The following EPHA10 variants were observed in gnomAD, a reference collection of about 807,000 sequenced individuals.
EPHA10 encodes the protein ephrin type-A receptor 10.
In EPHA10, 120 loss-of-function variants were observed where a neutral mutation model predicts 109.7. The ratio of observed to expected loss-of-function variants is 1.09; its 90% CI spans 0.94 to 1.27. The LOEUF (loss-of-function observed/expected upper bound fraction) is 1.27. Ranked by LOEUF, EPHA10 falls within the 50% of genes most tolerant of loss-of-function variation. EPHA10 has a pLI of 0.00. For missense variants in EPHA10, 1,396 were observed against 1,411.1 expected, an observed-to-expected ratio of 0.99 and a Z score of 0.17; for synonymous variants, 640 against 618.9, an observed-to-expected ratio of 1.03 and a Z score of -0.51.
intron 12 of EPHA10, 105 bp downstream of exon 12, chr1:37,720,678 C>G: frequency 6.5e-7 from 1 of 1,545,538 alleles, no homozygotes; most frequent in Non-Finnish European, 8.9e-7. Context: ...GTCAGCCCGG[C>G]CAGTGGGGAT....
intron 8 of EPHA10, among the ~76,000 whole-genome samples, chr1:37,724,927 A>G (rs1645863040): frequency 6.6e-6 from 1 of 152,184 alleles, no homozygotes; most frequent in Non-Finnish European, 1.5e-5. Flanking sequence ...ACACATGTTC[A>G]CTGTTATGGG....
chr1:37,754,179 C>T lies in EPHA10; in HGVS notation c.1006+36G>A. 7.9e-7 allele frequency: 1 copy of T among 1,266,710 alleles called. No homozygotes were observed. The highest frequency in any genetic ancestry group is 1.0e-6 in the Non-Finnish European group (1 of 998,588). 78.5% of individuals were successfully genotyped at this position (1,266,710 alleles called of 1,614,324 possible). A position where few individuals can be genotyped will look rare whatever the true frequency, so the allele number is the denominator to read the frequency against. On this transcript the variant is annotated intron_variant, in intron 4 of 16. Coordinates refer to ENST00000373048, the MANE Select transcript of EPHA10 (RefSeq NM_001099439.2). The surrounding 1 kb of genome is among the most constrained non-coding windows in gnomAD (Gnocchi z 4.5). ...CTTCCTTCTTGGCCACTCCCACCCC[C>T]CACCCTCCGCAGTGCAGCCTGGAGG...
In EPHA10 at chr1:37,761,677, T is replaced by C. The variant is rs1426891813; in HGVS notation, c.578A>G (p.Gln193Arg). The C allele has an allele frequency of 1.2e-6, 2 of 1,611,108 alleles. No individual in the cohort carries two copies. Among genetic ancestry groups the C allele is most frequent in the Admixed American group, 1.7e-5 (1 of 59,972 alleles). ...LSRRGFHLAF[Q>R]DVGACVALVS... ...AAGCGCCACGCATGCGCCCACGTCCTGAAAGGCCAGGTGGAAACCCCGCCG... is the reference window on the plus strand; with the variant it reads ...AAGCGCCACGCATGCGCCCACGTCCCGAAAGGCCAGGTGGAAACCCCGCCG... The change falls in exon 3 of 17, where the codon CAG (glutamine) becomes CGG (arginine). Residue 193 changes from glutamine to arginine, a missense_variant. Transcript: ENST00000373048.
chr1:37,720,386 G>T lies in EPHA10; in HGVS notation c.2377C>A (p.Pro793Thr). The T allele has an allele frequency of 6.2e-7, 1 of 1,612,594 alleles. No homozygotes were observed. Among genetic ancestry groups the T allele is most frequent in the Non-Finnish European group, 8.5e-7 (1 of 1,179,828 alleles). Residue 793 changes from proline (P) to threonine (T), a missense_variant, in exon 13 of 17, where the codon CCC becomes ACC. Transcript: ENST00000373048. Reference sequence around the variant, plus strand: ...TAGACAGCCTCTGATCGGTCCCGGGGGCCCCGCCCGAAGCCAGAGATCTTG... The same window carrying T: ...TAGACAGCCTCTGATCGGTCCCGGGTGCCCCGCCCGAAGCCAGAGATCTTG... ...VCKISGFGRG[P>T]RDRSEAVYTT...
Position 37,752,968 on chromosome 1 carries a change from G to A in EPHA10, c.1265C>T (p.Thr422Ile), listed in dbSNP as rs1232506188. Residue 422 changes from threonine to isoleucine, a missense_variant, in exon 5 of 17, where the codon ACC (threonine) becomes ATC (isoleucine). Physicochemically the swap from Thr to Ile is moderately conservative, Grantham distance 89. Coordinates refer to ENST00000373048, the MANE Select transcript of EPHA10 (RefSeq NM_001099439.2). ...LLHLRPGARYTVRVAALNGVS... is the reference protein window; with the variant it reads ...LLHLRPGARYIVRVAALNGVS... ...GCCGTTGAGCGCGGCCACGCGCACG[G>A]TGTAGCGCGCGCCGGGCCGCAGGTG... The A allele has an allele frequency of 1.6e-6, 2 of 1,267,258 alleles. No homozygotes were observed. Among genetic ancestry groups the A allele is most frequent in the Non-Finnish European group, 2.0e-6 (2 of 1,009,026 alleles). 78.5% of individuals were successfully genotyped at this position (1,267,258 alleles called of 1,614,324 possible).
At position 37,761,563 on chromosome 1, in the gene EPHA10, G is replaced by T. The variant is rs754507288; in HGVS notation, c.692C>A (p.Ser231Tyr). The T allele has an allele frequency of 3.8e-6, 6 of 1,598,766 alleles. No homozygotes were observed. Among genetic ancestry groups the T allele is most frequent in the Non-Finnish European group, 5.1e-6 (6 of 1,176,862 alleles). Residue 231 changes from serine (S) to tyrosine (Y), a missense_variant, in exon 3 of 17, where the codon TCC becomes TAC. Coordinates refer to ENST00000373048, the MANE Select transcript of EPHA10 (RefSeq NM_001099439.2). The stretch of plus-strand genomic sequence containing the variant: ...CGTTCCGGCCACTTCCACCAGTGTG[G>T]AGAAGGCGCTCTCGGCTGCGGTGGC... ...FPATAAESAF[S>Y]TLVEVAGTCV...
intron 5 of EPHA10, 35 bp downstream of exon 5, chr1:37,752,841 G>A: frequency 4.1e-6 from 5 of 1,231,044 alleles, no homozygotes; most frequent in South Asian, 3.2e-5. Flanking sequence ...CGGCAGGCGC[G>A]GTGGCCTCGG....
chr1:37,754,415 C>A lies in EPHA10; in HGVS notation c.851-45G>T. The A allele has an allele frequency of 7.9e-7, 1 of 1,271,174 alleles. No homozygotes were observed. The highest frequency in any genetic ancestry group is 3.1e-5 in the East Asian group (1 of 31,808). The allele number at this position is 1,271,174 out of a possible 1,614,324, so 78.7% of individuals were successfully genotyped here. A position where few individuals can be genotyped will look rare whatever the true frequency, so the allele number is the denominator to read the frequency against. ...AGAAGAGGGGGCTCCTCCAGTTTCT[C>A]CCCGCTTTCCTGACTGGCCTGGTTA... On this transcript the variant is annotated intron_variant, in intron 3 of 16. Transcript: ENST00000373048. This position sits in a 1 kb window ranked among gnomAD's most constrained non-coding sequence, Gnocchi z 4.5.
Position 37,718,793 on chromosome 1 carries a change from C to T in EPHA10, c.2780G>A (p.Arg927His), listed in dbSNP as rs1047206217. Residue 927 changes from arginine (R) to histidine (H), a missense_variant, in exon 16 of 17, where the codon CGT (arginine) becomes CAT (histidine). Physicochemically the swap from Arg to His is conservative, Grantham distance 29. Coordinates refer to ENST00000373048, the MANE Select transcript of EPHA10 (RefSeq NM_001099439.2). ...CPRPPTPLAD[R>H]AFSTFPSFGS... is the part of the protein sequence containing the mutation. ...AAAGGAGGGGAAGGTGGAGAAGGCA[C>T]GGTCCGCTAGTGGGGTGGGAGGCCT... 8 of 1,612,380 alleles carry T rather than the reference C, an allele frequency of 5.0e-6. No homozygotes were observed. In the East Asian group the frequency reaches 8.9e-5, roughly 18 times the overall value.
downstream of EPHA10, among the ~76,000 whole-genome samples, chr1:37,715,568 C>T (rs537042740): frequency 2.0e-5 from 3 of 152,290 alleles, no homozygotes; most frequent in African/African-American, 7.2e-5. Flanking sequence ...GACCAGATAT[C>T]CACCTGCCTC....
intron 15 of EPHA10, 193 bp from the exon 16 acceptor site, chr1:37,719,009 G>A (rs1219379321): frequency 4.2e-6 from 3 of 715,404 alleles, no homozygotes; most frequent in Admixed American, 2.9e-5. Flanking sequence ...GGCAGGTGGA[G>A]GCAGAGCCAG....
intron 15 of EPHA10, 177 bp from the exon 16 acceptor site, chr1:37,718,993 T>A: frequency 1.2e-6 from 1 of 826,072 alleles, no homozygotes; most frequent in Non-Finnish European, 1.9e-6. Context: ...GGCTTCAGGT[T>A]CTTCAGGCAG....
chr1:37,740,954 C>A (rs998994242), intron 5 of EPHA10, among the ~76,000 whole-genome samples: 1 of 152,050 alleles, frequency 6.6e-6, no homozygotes, highest in Non-Finnish European at 1.5e-5. Context: ...AAGAAACAGG[C>A]AAAGGAAGAG....
intron 6 of EPHA10, among the ~76,000 whole-genome samples, chr1:37,732,178 A>G (rs970309364): frequency 1.3e-5 from 2 of 152,216 alleles, no homozygotes; most frequent in African/African-American, 2.4e-5. Context: ...ACTCAGTGCC[A>G]GCTTCTGCAT....
intron 5 of EPHA10, among the ~76,000 whole-genome samples, chr1:37,744,292 T>A (rs903880955): frequency 6.0e-5 from 9 of 150,654 alleles, no homozygotes; most frequent in African/African-American, 2.2e-4. Context: ...GGCGGGTGGA[T>A]CACGAGGTCA....
chr1:37,733,022 A>G (rs953220358), intron 6 of EPHA10, among the ~76,000 whole-genome samples: 2 of 150,458 alleles, frequency 1.3e-5, no homozygotes, highest in East Asian at 3.9e-4. Context: ...CCTCCTGAGT[A>G]GCTGGGATTA....
chr1:37,720,900 C>CT, intron 11 of EPHA10, 56 bp from the exon 12 acceptor site: 1 of 1,575,358 alleles, frequency 6.3e-7, no homozygotes, highest in Non-Finnish European at 8.7e-7. Flanking sequence ...TCCGCACGCA[C>CT]ACAAGTTTCC....
At chr1:37,744,465 A>G (rs1056264450) in intron 5 of EPHA10, among the ~76,000 whole-genome samples, 5 of 151,972 alleles carry the variant, frequency 3.3e-5, no homozygotes, top group African/African-American at 1.2e-4. Flanking sequence ...GGTTGCAGTG[A>G]GCAGAGATCA....
intron 6 of EPHA10, among the ~76,000 whole-genome samples, chr1:37,732,546 C>T (rs1350655629): frequency 1.3e-5 from 2 of 152,192 alleles, no homozygotes; most frequent in Non-Finnish European, 2.9e-5. Flanking sequence ...ATCAGAATCT[C>T]TCTTCCAGGC....
Sources: allele counts gnomAD v4.1 joint callset (sites outside exome capture counted in the v4.1 genomes callset), GRCh38; gene constraint gnomAD v4.1.1; non-coding constraint Gnocchi (gnomAD v3.1); transcripts MANE v1.5; gene names NCBI Gene and HGNC (gene_info 2026-07-23, HGNC 2026-07-21).